Variants in POLA1 observed in about 807,000 individuals in gnomAD.
POLA1 encodes DNA polymerase alpha 1, catalytic subunit.
In POLA1, 15 loss-of-function variants were observed where a neutral mutation model predicts 124.0. The observed-to-expected ratio is 0.12, with a 90% CI of 0.08 to 0.19. The LOEUF (loss-of-function observed/expected upper bound fraction) is 0.19. Among genes scored for constraint, POLA1 ranks in the 10% least tolerant of loss-of-function variants. The probability of loss-of-function intolerance (pLI) is 1.00; values close to 1 mark genes in which losing one functional copy is unlikely to be tolerated. For missense variants in POLA1, 886 were observed against 1,103.4 expected (o/e 0.80, Z 2.79); for synonymous variants, 408 against 389.4 (o/e 1.05, Z -0.56).
At chrX:24,783,309 TAAC>T (rs2045300362) in intron 26 of POLA1, among the ~76,000 whole-genome samples, 1 of 111,731 alleles carries the variant, frequency 9.0e-6, no homozygotes, top group Non-Finnish European at 1.9e-5. Context: ...GCAACAACCA[TAAC>T]AACAATAGCA....
chrX:24,703,143 C>T, intron 2 of POLA1, 108 bp from the exon 3 acceptor site: 1 of 520,413 alleles, frequency 1.9e-6, no homozygotes, highest in East Asian at 3.7e-5. Flanking sequence ...TGCAGCTACT[C>T]CTTCAGTCTG....
At chrX:24,712,854 A>C (rs1929554691) in intron 4 of POLA1, among the ~76,000 whole-genome samples, 1 of 112,276 alleles carries the variant, frequency 8.9e-6, no homozygotes, top group Non-Finnish European at 1.9e-5. Context: ...ATGGGATGCC[A>C]CCTTCATTAT....
At chrX:24,709,187 A>C (rs1431635005) in intron 4 of POLA1, among the ~76,000 whole-genome samples, 1 of 31,785 alleles carries the variant, frequency 3.1e-5, no homozygotes, top group African/African-American at 1.3e-4. Flanking sequence ...CTGGCCGGGC[A>C]GGGGGGCTGA....
intron 35 of POLA1, among the ~76,000 whole-genome samples, chrX:24,927,422 C>T (rs2047711067): frequency 8.9e-6 from 1 of 111,934 alleles, no homozygotes; most frequent in South Asian, 3.8e-4. Context: ...GCCAAGTCGT[C>T]CCCTGTGCCA....
At chrX:24,719,206 C>T (rs756176468) in intron 10 of POLA1, among the ~76,000 whole-genome samples, 202 of 109,642 alleles carry the variant, frequency 1.8e-3, no homozygotes, top group African/African-American at 6.5e-3. Context: ...GCAAAGCAAG[C>T]GTGTGAGTAA....
intron 26 of POLA1, among the ~76,000 whole-genome samples, chrX:24,808,676 A>G (rs1198911381): frequency 9.0e-6 from 1 of 111,466 alleles, no homozygotes; most frequent in Non-Finnish European, 1.9e-5. Context: ...ACATCTGAAC[A>G]AAACTGGGAG....
intron 35 of POLA1, among the ~76,000 whole-genome samples, chrX:24,925,873 C>T (rs964783441): frequency 2.7e-5 from 3 of 110,819 alleles, no homozygotes; most frequent in Non-Finnish European, 5.7e-5. Context: ...CTGCTGCCTC[C>T]GGAGTAGCTG....
chrX:24,772,922 A>G (rs185549310), intron 26 of POLA1, among the ~76,000 whole-genome samples: 86 of 112,014 alleles, frequency 7.7e-4, no homozygotes, highest in African/African-American at 2.8e-3. Context: ...AAGACATAGA[A>G]TCAACCTAAA....
At chrX:24,904,776 G>T (rs1260890820) in intron 35 of POLA1, among the ~76,000 whole-genome samples, 1 of 111,590 alleles carries the variant, frequency 9.0e-6, no homozygotes, top group African/African-American at 3.3e-5. Context: ...TGTAATCCCA[G>T]CACTTTGGGA....
intron 36 of POLA1, among the ~76,000 whole-genome samples, chrX:24,964,362 G>A (rs1459041184): frequency 1.8e-5 from 2 of 112,541 alleles, no homozygotes; most frequent in Non-Finnish European, 3.8e-5. Context: ...AAATAAAAAT[G>A]TTTTTATGAC....
At chrX:24,992,402 CAG>C (rs2048544268) in intron 36 of POLA1, among the ~76,000 whole-genome samples, 2 of 112,203 alleles carry the variant, frequency 1.8e-5, no homozygotes, top group Admixed American at 1.9e-4. Flanking sequence ...TCATAATTGA[CAG>C]AATATTTAAT....
At chrX:24,912,991 G>T (rs1052963770) in intron 35 of POLA1, among the ~76,000 whole-genome samples, 18 of 111,801 alleles carry the variant, frequency 1.6e-4, no homozygotes, top group Non-Finnish European at 3.4e-4. Context: ...ATATGATCCA[G>T]CAGTCCTGTT....
At chrX:24,771,693 A>G (rs1308236444) in intron 26 of POLA1, among the ~76,000 whole-genome samples, 1 of 111,901 alleles carries the variant, frequency 8.9e-6, no homozygotes, top group Non-Finnish European at 1.9e-5. Context: ...GTCACCAAGG[A>G]TCATTATTGG....
At chrX:24,991,083 C>A (rs1255999292) in intron 36 of POLA1, among the ~76,000 whole-genome samples, 3 of 111,737 alleles carry the variant, frequency 2.7e-5, no homozygotes, top group African/African-American at 9.8e-5. Context: ...AGCTTGTCTT[C>A]CAGCATTTAA....
chrX:24,764,152 A>G (rs1932848903), intron 26 of POLA1, among the ~76,000 whole-genome samples: 1 of 112,103 alleles, frequency 8.9e-6, no homozygotes, highest in Non-Finnish European at 1.9e-5. Flanking sequence ...GGAAAATTAA[A>G]TGAGATAATG....
At chrX:24,718,126 T>G (rs1260349706) in intron 10 of POLA1, among the ~76,000 whole-genome samples, 3 of 112,087 alleles carry the variant, frequency 2.7e-5, no homozygotes, top group Non-Finnish European at 3.8e-5. Flanking sequence ...GAATGCACTT[T>G]AATTTAAAGG....
chrX:24,962,018 G>C (rs2048174065), intron 36 of POLA1, among the ~76,000 whole-genome samples: 1 of 111,698 alleles, frequency 9.0e-6, no homozygotes, highest in African/African-American at 3.3e-5. Context: ...TTCTGTGTCA[G>C]GCATTCTGCT....
chrX:24,816,434 G>A (rs1439338634), intron 30 of POLA1, among the ~76,000 whole-genome samples: 2 of 111,841 alleles, frequency 1.8e-5, no homozygotes, highest in African/African-American at 6.5e-5. Flanking sequence ...CTTGACTATG[G>A]CATCCTTAAT....
At chrX:24,803,169 G>C (rs1035043769) in intron 26 of POLA1, among the ~76,000 whole-genome samples, 8 of 111,414 alleles carry the variant, frequency 7.2e-5, no homozygotes, top group Non-Finnish European at 1.5e-4. Flanking sequence ...ATGTGTGCCT[G>C]GATAGAGAAA....
Sources: allele counts gnomAD v4.1 joint callset (sites outside exome capture counted in the v4.1 genomes callset), GRCh38; gene constraint gnomAD v4.1.1; transcripts MANE v1.5; gene names NCBI Gene and HGNC (gene_info 2026-07-23, HGNC 2026-07-21).